EXOC3L1: variants seen among roughly 807,000 people sequenced by gnomAD.
The protein encoded by EXOC3L1 is exocyst complex component 3-like protein.
A neutral mutation model predicts 83.6 loss-of-function variants in EXOC3L1; 79 were observed. The observed-to-expected ratio is 0.95, with a 90% CI of 0.79 to 1.14. The LOEUF is 1.14. EXOC3L1 is among the 50% of genes most tolerant of loss of function. EXOC3L1 has a pLI of 0.00. For synonymous variants in EXOC3L1, 433 were observed against 451.2 expected (o/e 0.96, Z 0.51); for missense variants, 945 against 972.0 (o/e 0.97, Z 0.37).
Position 67,186,745 on chromosome 16 carries a change from C to T in EXOC3L1, c.1284+14G>A, listed in dbSNP as rs750503633. 39 of 1,613,738 alleles carry T rather than the reference C, an allele frequency of 2.4e-5. No individual in the cohort carries two copies. Among genetic ancestry groups the T allele is most frequent in the Middle Eastern group, 3.3e-4 (2 of 6,084 alleles). On this transcript the variant is annotated intron_variant, in intron 7 of 13. Coordinates refer to ENST00000314586, the MANE Select transcript of EXOC3L1 (RefSeq NM_178516.4). ...CATGGAGGCTGCCTGCCTGTCTGGC[C>T]ACTTCCCACCTACCTGCAGCACAAT...
intron 4 of EXOC3L1, 74 bp from the exon 5 acceptor site, chr16:67,187,911 T>G: frequency 6.7e-7 from 1 of 1,494,342 alleles, no homozygotes; most frequent in South Asian, 1.4e-5. Flanking sequence ...CAGGGGATAC[T>G]GAGGCCCAGG....
chr16:67,185,298 C>T, intron 10 of EXOC3L1, 40 bp from the exon 11 acceptor site: 2 of 1,613,226 alleles, frequency 1.2e-6, no homozygotes, highest in South Asian at 1.1e-5. Context: ...CGCGGAGACC[C>T]CCATACGTAG....
chr16:67,189,955 T>C lies in EXOC3L1; in HGVS notation c.-8+16A>G. On this transcript the variant is annotated intron_variant, in intron 1 of 13. Coordinates refer to ENST00000314586, the MANE Select transcript of EXOC3L1 (RefSeq NM_178516.4). The stretch of plus-strand genomic sequence containing the variant: ...CCTGCTCTGAGCTGCACAGGACAGT[T>C]TGGTACAGAACTTACCAGATTTGAT... 1 of 512,620 alleles carries C rather than the reference T, an allele frequency of 2.0e-6. No individual in the cohort carries two copies. The highest frequency in any genetic ancestry group is 3.5e-6 in the Non-Finnish European group (1 of 283,828). The allele number at this position is 512,620 out of a possible 1,614,324, so 31.8% of individuals were successfully genotyped here.
intron 8 of EXOC3L1, 86 bp downstream of exon 8, chr16:67,186,471 G>T: frequency 6.7e-7 from 1 of 1,483,416 alleles, no homozygotes; most frequent in Non-Finnish European, 9.4e-7. Context: ...CCCTTTCCCT[G>T]TGACATGTCT....
rs2032718206 is a variant in EXOC3L1, at chr16:67,186,266, C to T, written c.1467G>A (p.Leu489=). Residue 489 remains leucine (L), a synonymous_variant, in exon 9 of 14, where the codon CTG becomes CTA. Transcript: ENST00000314586. ...SMAPHYVPYL[L]AALNHKSALS... ...GTGCTGACTTGTGGTTGAGGGCGGC[C>T]AGTAGGTAGGGCACGTAATGAGGGG... 1 of 1,577,872 alleles carries T rather than the reference C, an allele frequency of 6.3e-7. No homozygotes were observed. The highest frequency in any genetic ancestry group is 1.3e-5 in the African/African-American group (1 of 74,108).
At chr16:67,185,093 C>G (rs111513602) in intron 11 of EXOC3L1, 36 bp from the exon 12 acceptor site, 2 of 1,612,434 alleles carry the variant, frequency 1.2e-6, no homozygotes, top group African/African-American at 1.3e-5. Flanking sequence ...CAGGTCGCCT[C>G]TCACCCGCGC....
rs1027896501 is a variant in EXOC3L1 at position 67,186,155 on chromosome 16, C to G, written c.1496+82G>C. The G allele has an allele frequency of 4.1e-6, 4 of 965,734 alleles. No individual in the cohort carries two copies. In the African/African-American group the frequency reaches 6.5e-5, roughly 16 times the overall value. The allele number at this position is 965,734 out of a possible 1,614,324, so 59.8% of individuals were successfully genotyped here. A position where few individuals can be genotyped will look rare whatever the true frequency, so the allele number is the denominator to read the frequency against. On this transcript the variant is annotated intron_variant, in intron 9 of 13. Transcript: ENST00000314586. ...GATGTGAGTCCAAAGTCCCTAGTGT[C>G]CTAGTGTGGGCTGAGCCCATACATA...
At chr16:67,185,951 T>C (rs2032703966) in intron 9 of EXOC3L1, among the ~76,000 whole-genome samples, 1 of 152,202 alleles carries the variant, frequency 6.6e-6, no homozygotes, top group Non-Finnish European at 1.5e-5. Context: ...GAATGAACAA[T>C]TGACACCATG....
At position 67,185,187 on chromosome 16, in the gene EXOC3L1, C is replaced by A; in HGVS notation, c.1698G>T (p.Arg566=). The A allele has an allele frequency of 6.2e-7, 1 of 1,613,538 alleles. No homozygotes were observed. Among genetic ancestry groups the A allele is most frequent in the Non-Finnish European group, 8.5e-7 (1 of 1,180,040 alleles). The part of the protein sequence containing the change: ...SPELLQSVCE[R]TGRFCRDFWR... ...AGAAGTCCCGGCAGAAGCGCCCCGT[C>A]CGTTCACACACACTTTGCAGGAGCT... The change falls in exon 11 of 14, where the codon CGG becomes CGT. Residue 566 remains arginine, a synonymous_variant. Transcript: ENST00000314586.
intron 4 of EXOC3L1, 37 bp from the exon 5 acceptor site, chr16:67,187,874 G>T: frequency 6.5e-7 from 1 of 1,536,868 alleles, no homozygotes; most frequent in Non-Finnish European, 8.8e-7. Flanking sequence ...CTGGGTCTCA[G>T]CCTTCCCACC....
Position 67,186,779 on chromosome 16 carries a change from T to C in EXOC3L1, c.1264A>G (p.Met422Val). ...TDPSGSYYSP[M>V]PAIVLQILEE... ...CCTACCTGCAGCACAATGGCTGGCA[T>C]TGGTGAGTAATAGGAGCCAGACGGG... Residue 422 changes from methionine (M) to valine (V), a missense_variant, in exon 7 of 14, where the codon ATG becomes GTG. Met to Val is a conservative substitution (Grantham distance 21). Coordinates refer to ENST00000314586, the MANE Select transcript of EXOC3L1 (RefSeq NM_178516.4). The C allele has an allele frequency of 6.2e-7, 1 of 1,613,772 alleles. No individual in the cohort carries two copies. Among genetic ancestry groups the C allele is most frequent in the Non-Finnish European group, 8.5e-7 (1 of 1,180,010 alleles).
chr16:67,189,504 T>G (rs1399482522), intron 2 of EXOC3L1, 127 bp downstream of exon 2: 9 of 1,148,110 alleles, frequency 7.8e-6, no homozygotes, highest in Non-Finnish European at 1.1e-5. Flanking sequence ...TTGGAGCTCC[T>G]GACCTCAGGT....
chr16:67,188,670 G>A (rs760267909), intron 4 of EXOC3L1, 51 bp downstream of exon 4: 1 of 1,542,458 alleles, frequency 6.5e-7, no homozygotes, highest in Non-Finnish European at 8.9e-7. Flanking sequence ...AGGGATGGGT[G>A]TTTGTGGACT....
chr16:67,189,316 G>A, intron 2 of EXOC3L1, 136 bp from the exon 3 acceptor site: 1 of 1,060,544 alleles, frequency 9.4e-7, no homozygotes, highest in Non-Finnish European at 1.3e-6. Context: ...TCGCTCTGTT[G>A]CCCAGGCTGG....
chr16:67,187,872 C>T, intron 4 of EXOC3L1, 35 bp from the exon 5 acceptor site: 1 of 1,537,806 alleles, frequency 6.5e-7, no homozygotes, highest in South Asian at 1.3e-5. Context: ...CCCTGGGTCT[C>T]AGCCTTCCCA....
At chr16:67,187,183 A>G (rs1202805674) in intron 5 of EXOC3L1, 42 bp downstream of exon 5, 5 of 1,611,368 alleles carry the variant, frequency 3.1e-6, no homozygotes, top group Non-Finnish European at 3.4e-6. Flanking sequence ...CCAAGCCCCC[A>G]GCCTCTGATC....
At chr16:67,187,198 A>C (rs202076216) in intron 5 of EXOC3L1, 27 bp downstream of exon 5, 2 of 1,609,908 alleles carry the variant, frequency 1.2e-6, no homozygotes, top group Admixed American at 3.3e-5. Context: ...CTGATCCCCC[A>C]TGTCCCGCTG....
At chr16:67,185,673 G>A in intron 9 of EXOC3L1, 183 bp from the exon 10 acceptor site, 1 of 613,348 alleles carries the variant, frequency 1.6e-6, no homozygotes, top group Non-Finnish European at 2.9e-6. Flanking sequence ...TTGGCGAGCT[G>A]CAAAGGACAC....
At position 67,189,068 on chromosome 16, in the gene EXOC3L1, G is replaced by T. The variant is rs2032811056; in HGVS notation, c.159C>A (p.Tyr53Ter). 3.1e-6 allele frequency: 5 copies of T among 1,607,996 alleles called. No individual in the cohort carries two copies. The highest frequency in any genetic ancestry group is 4.2e-6 in the Non-Finnish European group (5 of 1,178,384). The change falls in exon 3 of 14, where the codon TAC becomes TAA. Residue 53 changes from tyrosine (Y) to a stop codon, truncating the protein, a stop_gained. Transcript: ENST00000314586. LOFTEE classifies it high-confidence loss of function. ...AGGTACGCTGCACCTCGCGGCTGCGGTACTGGCCTAGCCTGGCCAGCTGCT... is the reference window on the plus strand; with the variant it reads ...AGGTACGCTGCACCTCGCGGCTGCGTTACTGGCCTAGCCTGGCCAGCTGCT... The part of the protein sequence containing the change: ...RPEQLARLGQ[Y>*]RSREVQRTCS...
Sources: allele counts gnomAD v4.1 joint callset (sites outside exome capture counted in the v4.1 genomes callset), GRCh38; gene constraint gnomAD v4.1.1; transcripts MANE v1.5; gene names NCBI Gene and HGNC (gene_info 2026-07-23, HGNC 2026-07-21).